SEMA6B: variants seen among roughly 807,000 people sequenced by gnomAD.
SEMA6B encodes the protein semaphorin 6B, also known as semaphorin-6B.
Under a neutral mutation model 78.6 loss-of-function variants are expected in SEMA6B, and 47 were observed. The ratio of observed to expected loss-of-function variants is 0.60; its 90% CI spans 0.47 to 0.76. SEMA6B has a LOEUF of 0.76. Ranked by LOEUF, SEMA6B falls within the 30% of genes least tolerant of loss-of-function variation. SEMA6B has a pLI of 0.00. For synonymous variants in SEMA6B, 632 were observed against 592.2 expected (o/e 1.07, Z -0.98); for missense variants, 1,213 against 1,269.9 (o/e 0.96, Z 0.68).
At chr19:4,548,825 G>T (rs1359117101) in intron 12 of SEMA6B, among the ~76,000 whole-genome samples, 1 of 151,948 alleles carries the variant, frequency 6.6e-6, no homozygotes, top group Non-Finnish European at 1.5e-5. Flanking sequence ...ACGCCATCAC[G>T]CCTGGCAAGT....
At position 4,546,838 on chromosome 19, in the gene SEMA6B, A is replaced by T. The variant is rs1023196714; in HGVS notation, c.1602-369T>A. ...CAGGGTTTCACCAGGTTGGTCTTGA[A>T]CTCCTGACCTCAAGTGATCCACCCG... On this transcript the variant is annotated intron_variant, in intron 14 of 16. Coordinates refer to ENST00000586582, the MANE Select transcript of SEMA6B (RefSeq NM_032108.4). Among the ~76,000 whole-genome samples the T allele has an allele frequency of 5.3e-5, 8 of 151,130 alleles. No individual in the cohort carries two copies. In the South Asian group the frequency reaches 1.3e-3, roughly 24 times the overall value.
In SEMA6B at chr19:4,556,885, G is replaced by C. The variant is rs1018632815; in HGVS notation, c.369+66C>G. On this transcript the variant is annotated intron_variant, in intron 5 of 16. Coordinates refer to ENST00000586582, the MANE Select transcript of SEMA6B (RefSeq NM_032108.4). Reference sequence around the variant, plus strand: ...GGGGTGGGCGTGGCCTGGTCTGATTGGGGCGGGGCATGGGTAATGCCAGGG... The same window carrying C: ...GGGGTGGGCGTGGCCTGGTCTGATTCGGGCGGGGCATGGGTAATGCCAGGG... The C allele has an allele frequency of 2.8e-6, 4 of 1,453,188 alleles. No individual in the cohort carries two copies. The African/African-American group carries it at 4.2e-5, about 15-fold the overall frequency. 90.0% of individuals were successfully genotyped at this position (1,453,188 alleles called of 1,614,324 possible).
Position 4,546,463 on chromosome 19 carries a change from A to G in SEMA6B, c.1608T>C (p.Cys536=), listed in dbSNP as rs1245746018. ...CGCAGTAGGGGTCCTGACTGCCGATACAGTTCCTAGAGCAGACCAGGGACC... is the reference window on the plus strand; with the variant it reads ...CGCAGTAGGGGTCCTGACTGCCGATGCAGTTCCTAGAGCAGACCAGGGACC... ...CQQYSGCMKN[C]IGSQDPYCGW... is the part of the protein sequence containing the mutation. The change falls in exon 15 of 17, where the codon TGT becomes TGC. Residue 536 remains cysteine (C), a synonymous_variant. Coordinates refer to ENST00000586582, the MANE Select transcript of SEMA6B (RefSeq NM_032108.4). The G allele has an allele frequency of 1.3e-5, 20 of 1,563,412 alleles. No individual in the cohort carries two copies. The highest frequency in any genetic ancestry group is 2.7e-5 in the African/African-American group (2 of 73,508).
At position 4,550,741 on chromosome 19, in the gene SEMA6B, G is replaced by T; in HGVS notation, c.1121+58C>A. The T allele has an allele frequency of 1.9e-6, 3 of 1,590,834 alleles. No individual in the cohort carries two copies. Among genetic ancestry groups the T allele is most frequent in the Non-Finnish European group, 2.6e-6 (3 of 1,164,152 alleles). ...TAACCACCCGGAAGCCCCAGCCCTC[G>T]GCCCTGGGGATCAGGACCTCATCCG... On this transcript the variant is annotated intron_variant, in intron 11 of 16. Transcript: ENST00000586582. The surrounding 1 kb of genome is among the most constrained non-coding windows in gnomAD (Gnocchi z 6.6).
At chr19:4,556,890 G>A in intron 5 of SEMA6B, 61 bp downstream of exon 5, 1 of 1,468,612 alleles carries the variant, frequency 6.8e-7, no homozygotes, top group Admixed American at 1.8e-5. Context: ...TGATTGGGGC[G>A]GGGCATGGGT....
chr19:4,558,217 G>T lies in SEMA6B; in HGVS notation c.122-68C>A. ...TGAAGAGAGGGTGGCCTGAGGTCAT[G>T]CCCCTTCTAGGGGTGGCTCCTGGAC... On this transcript the variant is annotated intron_variant, in intron 2 of 16. Coordinates refer to ENST00000586582, the MANE Select transcript of SEMA6B (RefSeq NM_032108.4). The surrounding 1 kb of genome is among the most constrained non-coding windows in gnomAD (Gnocchi z 5.1). 7.4e-7 allele frequency: 1 copy of T among 1,350,382 alleles called. No individual in the cohort carries two copies. The highest frequency in any genetic ancestry group is 9.6e-7 in the Non-Finnish European group (1 of 1,038,268). 83.6% of individuals were successfully genotyped at this position (1,350,382 alleles called of 1,614,324 possible). A position where few individuals can be genotyped will look rare whatever the true frequency, so the allele number is the denominator to read the frequency against.
intron 8 of SEMA6B, 127 bp from the exon 9 acceptor site, chr19:4,554,603 C>A (rs7258942): frequency 0.06 from 43,340 of 716,580 alleles, 2,707 homozygotes; most frequent in African/African-American, 0.23. Context: ...ATGAAACAGA[C>A]TCAAAGTTTG....
Position 4,557,222 on chromosome 19 carries a change from C to T in SEMA6B, c.247G>A (p.Asp83Asn). ...TCCAGCTCTACGCGGTAGAGGTTGT[C>T]CCTGGGGGAGGGGCATAGTTAGTGA... Reference protein sequence around the residue: ...VNRTLFIGDRDNLYRVELEPP... With the variant: ...VNRTLFIGDRNNLYRVELEPP... The change falls in exon 4 of 17, where the codon GAC becomes AAC. Residue 83 changes from aspartate to asparagine, a missense_variant and splice_region_variant. Transcript: ENST00000586582. 1 of 1,577,186 alleles carries T rather than the reference C, an allele frequency of 6.3e-7. No homozygotes were observed. The highest frequency in any genetic ancestry group is 8.6e-7 in the Non-Finnish European group (1 of 1,162,098).
rs1459635464 is a variant in SEMA6B at position 4,550,863 on chromosome 19, G to A, written c.1057C>T (p.Arg353Ter). 5.6e-6 allele frequency: 9 copies of A among 1,613,556 alleles called. No individual in the cohort carries two copies. The highest frequency in any genetic ancestry group is 2.2e-5 in the East Asian group (1 of 44,878). ...ATGGACTCGGGGGACTTCTGCTCTC[G>A]GAAGCGGCCTTCAAACACAGCTGCC... ...QVAAVFEGRF[R>*]EQKSPESIWT... The change falls in exon 11 of 17, where the codon CGA becomes TGA. Residue 353 changes from arginine to a stop codon, truncating the protein, a stop_gained. Transcript: ENST00000586582. LOFTEE classifies it high-confidence loss of function. This position sits in a 1 kb window ranked among gnomAD's most constrained non-coding sequence, Gnocchi z 6.6.
chr19:4,555,671 C>T lies in SEMA6B; in HGVS notation c.472-107G>A. ...GGGAATCCTGATCCACCACGGATTA[C>T]TGTGTGACCTTGGCCACTCACTTAA... On this transcript the variant is annotated intron_variant, in intron 6 of 16. Coordinates refer to ENST00000586582, the MANE Select transcript of SEMA6B (RefSeq NM_032108.4). This position sits in a 1 kb window ranked among gnomAD's most constrained non-coding sequence, Gnocchi z 6.1. The T allele has an allele frequency of 2.2e-6, 2 of 913,660 alleles. No individual in the cohort carries two copies. The highest frequency in any genetic ancestry group is 3.4e-6 in the Non-Finnish European group (2 of 585,954). The allele number at this position is 913,660 out of a possible 1,614,324, so 56.6% of individuals were successfully genotyped here. A position where few individuals can be genotyped will look rare whatever the true frequency, so the allele number is the denominator to read the frequency against.
intron 3 of SEMA6B, 40 bp downstream of exon 3, chr19:4,557,986 C>T: frequency 2.3e-6 from 3 of 1,321,164 alleles, no homozygotes; most frequent in Non-Finnish European, 2.9e-6. Flanking sequence ...CTCGCTCATT[C>T]TGCTCGTCAC....
In SEMA6B at chr19:4,555,055, G is replaced by A. The variant is rs1160648586; in HGVS notation, c.603C>T (p.Ala201=). 1 of 1,614,024 alleles carries A rather than the reference G, an allele frequency of 6.2e-7. No homozygotes were observed. Among genetic ancestry groups the A allele is most frequent in the Non-Finnish European group, 8.5e-7 (1 of 1,179,980 alleles). ...GGCTGCGGTAGATGACAGCATCAAT[G>A]GCTAGGAAGTCGGTAACAGTAGCTG... ...LFTATVTDFL[A]IDAVIYRSLG... The change falls in exon 8 of 17, where the codon GCC becomes GCT. Residue 201 remains alanine (A), a synonymous_variant. Coordinates refer to ENST00000586582, the MANE Select transcript of SEMA6B (RefSeq NM_032108.4). This position sits in a 1 kb window ranked among gnomAD's most constrained non-coding sequence, Gnocchi z 6.1.
chr19:4,548,428 A>G lies in SEMA6B; in HGVS notation c.1289T>C (p.Val430Ala). 1 of 1,612,118 alleles carries G rather than the reference A, an allele frequency of 6.2e-7. No homozygotes were observed. Among genetic ancestry groups the G allele is most frequent in the Non-Finnish European group, 8.5e-7 (1 of 1,179,284 alleles). Residue 430 changes from valine (V) to alanine (A), a missense_variant, in exon 13 of 17, where the codon GTG becomes GCG. Coordinates refer to ENST00000586582, the MANE Select transcript of SEMA6B (RefSeq NM_032108.4). ...RTLMRHQLTRVAVDVGAGPWG... is the reference protein window; with the variant it reads ...RTLMRHQLTRAAVDVGAGPWG... ...GGGGCCGGCTCCCACGTCCACAGCCACTCGAGTCAGCTGGTGCCTGGGGGA... is the reference window on the plus strand; with the variant it reads ...GGGGCCGGCTCCCACGTCCACAGCCGCTCGAGTCAGCTGGTGCCTGGGGGA...
In SEMA6B at chr19:4,544,399, G is replaced by T; in HGVS notation, c.1869C>A (p.Gly623=). 1.2e-6 allele frequency: 2 copies of T among 1,601,328 alleles called. No individual in the cohort carries two copies. Among genetic ancestry groups the T allele is most frequent in the Non-Finnish European group, 1.7e-6 (2 of 1,175,352 alleles). The change falls in exon 17 of 17, where the codon GGC becomes GGA. Residue 623 remains glycine, a synonymous_variant. Transcript: ENST00000586582. This position sits in a 1 kb window ranked among gnomAD's most constrained non-coding sequence, Gnocchi z 5.1. ...GGGCCAGCTCCCGCCGCTCACGGAG[G>T]CCCACGAACCAGCCCACGCTGAAGC... The part of the protein sequence containing the change: ...VSGFSVGWFV[G]LRERRELARR...
chr19:4,542,696 G>A lies in SEMA6B; in HGVS notation c.*905C>T. ...CACGTGGCATGCATGGTCAGCTGGA[G>A]GTCAGAGGGGGGAGGTCACAAGGGG... On this transcript the variant is annotated 3_prime_UTR_variant, in exon 17 of 17. Transcript: ENST00000586582. The A allele has an allele frequency of 3.0e-6, 2 of 665,910 alleles. No individual in the cohort carries two copies. The highest frequency in any genetic ancestry group is 3.2e-5 in the South Asian group (2 of 63,356). 41.3% of individuals were successfully genotyped at this position (665,910 alleles called of 1,614,324 possible). A position where few individuals can be genotyped will look rare whatever the true frequency, so the allele number is the denominator to read the frequency against.
rs142864702 is a variant in SEMA6B, at chr19:4,550,171, G to C, written c.1223C>G (p.Ala408Gly). 6.2e-7 allele frequency: 1 copy of C among 1,613,806 alleles called. No individual in the cohort carries two copies. Among genetic ancestry groups the C allele is most frequent in the Non-Finnish European group, 8.5e-7 (1 of 1,180,008 alleles). The change falls in exon 12 of 17, where the codon GCG becomes GGG. Residue 408 changes from alanine to glycine, a missense_variant. Physicochemically the swap from Ala to Gly is moderately conservative, Grantham distance 60 (BLOSUM62 0). Coordinates refer to ENST00000586582, the MANE Select transcript of SEMA6B (RefSeq NM_032108.4). This position sits in a 1 kb window ranked among gnomAD's most constrained non-coding sequence, Gnocchi z 6.6. ...FVKTHPLMDE[A>G]VPSLGHAPWI... ...GGGCGCATGGCCCAGCGAGGGCACC[G>C]CCTCGTCCATCAGAGGGTGGGTCTT...
At chr19:4,556,124 T>A in intron 5 of SEMA6B, 35 bp from the exon 6 acceptor site, 1 of 1,491,942 alleles carries the variant, frequency 6.7e-7, no homozygotes, top group East Asian at 2.3e-5. Flanking sequence ...GGGAGCGCGA[T>A]GTGGGCGTGG....
At position 4,544,341 on chromosome 19, in the gene SEMA6B, C is replaced by T. The variant is rs1033085752; in HGVS notation, c.1927G>A (p.Gly643Arg). Residue 643 changes from glycine (G) to arginine (R), a missense_variant, in exon 17 of 17, where the codon GGG (glycine) becomes AGG (arginine). Physicochemically the swap from Gly to Arg is moderately radical, Grantham distance 125. Transcript: ENST00000586582. This position sits in a 1 kb window ranked among gnomAD's most constrained non-coding sequence, Gnocchi z 5.1. ...ACGCTCAGCACCGCCTCGCCCGCCC[C>T]GTGCGCCAGGATGGCCTCCTTGTCC... ...RKDKEAILAH[G>R]AGEAVLSVSR... The T allele has an allele frequency of 3.9e-6, 6 of 1,538,646 alleles. No individual in the cohort carries two copies. The highest frequency in any genetic ancestry group is 5.2e-6 in the Non-Finnish European group (6 of 1,147,176).
In SEMA6B at chr19:4,543,807, A is replaced by T; in HGVS notation, c.2461T>A (p.Trp821Arg). The T allele has an allele frequency of 8.2e-7, 1 of 1,217,054 alleles. No individual in the cohort carries two copies. Among genetic ancestry groups the T allele is most frequent in the South Asian group, 4.1e-5 (1 of 24,164 alleles). The allele number at this position is 1,217,054 out of a possible 1,614,324, so 75.4% of individuals were successfully genotyped here. A position where few individuals can be genotyped will look rare whatever the true frequency, so the allele number is the denominator to read the frequency against. ...AGGCTGCCCGTCGGGGGCGGGCTCC[A>T]GGGCCGCGGGAGGCCATCGGCGGCT... The part of the protein sequence containing the change: ...ASAADGLPRP[W>R]SPPPTGSLRR... Residue 821 changes from tryptophan (W) to arginine (R), a missense_variant, in exon 17 of 17, where the codon TGG becomes AGG. Coordinates refer to ENST00000586582, the MANE Select transcript of SEMA6B (RefSeq NM_032108.4).
Sources: gnomAD v4.1 joint callset for allele counts (sites outside exome capture counted in the v4.1 genomes callset) on GRCh38, gnomAD v4.1.1 for gene constraint, Gnocchi (gnomAD v3.1) non-coding constraint, MANE v1.5 for transcripts, NCBI Gene and HGNC (gene_info 2026-07-23, HGNC 2026-07-21) for gene names.